ADAMTSL1: variants seen among roughly 807,000 people sequenced by gnomAD.
ADAMTSL1 encodes ADAMTS like 1.
A neutral mutation model predicts 201.8 loss-of-function variants in ADAMTSL1; 126 were observed. The ratio of observed to expected loss-of-function variants is 0.62; its 90% confidence interval spans 0.54 to 0.72. ADAMTSL1 has a LOEUF of 0.72. Among genes scored for constraint, ADAMTSL1 ranks in the 30% least tolerant of loss-of-function variants. ADAMTSL1 has a pLI of 0.00. For synonymous variants in ADAMTSL1, 1,121 were observed against 903.4 expected (o/e 1.24, Z -4.32); for missense variants, 2,679 against 2,277.8 (o/e 1.18, Z -3.59).
intron 3 of ADAMTSL1, among the ~76,000 whole-genome samples, chr9:18,537,450 A>G (rs1819842440): frequency 6.6e-6 from 1 of 152,206 alleles, no homozygotes; most frequent in Non-Finnish European, 1.5e-5. Context: ...AAGCCAATAT[A>G]CCTAAAGTCT....
intron 1 of ADAMTSL1, among the ~76,000 whole-genome samples, chr9:18,163,569 C>T: frequency 6.6e-6 from 1 of 152,054 alleles, no homozygotes; most frequent in Non-Finnish European, 1.5e-5. Flanking sequence ...GTCTAGGAGC[C>T]TGACCATATT....
intron 7 of ADAMTSL1, among the ~76,000 whole-genome samples, chr9:18,655,406 T>G (rs1466035788): frequency 6.6e-6 from 1 of 152,164 alleles, no homozygotes; most frequent in Non-Finnish European, 1.5e-5. Context: ...AAGAGCTTGG[T>G]TCAAATACTC....
In ADAMTSL1 at chr9:18,275,492, T is replaced by C. The variant is rs7032018; in HGVS notation, c.207+111511T>C. ...TCATCAGCACAAAAAGTTCTCTTATTCTACTTACCAGTCATTGCCCATCCC... is the reference window on the plus strand; with the variant it reads ...TCATCAGCACAAAAAGTTCTCTTATCCTACTTACCAGTCATTGCCCATCCC... On this transcript the variant is annotated intron_variant, in intron 2 of 29. Transcript: ENST00000680146. 5.9e-3 allele frequency among the ~76,000 whole-genome samples: 893 copies of C among 152,280 alleles called. 5 individuals are homozygous for C. Among genetic ancestry groups the C allele is most frequent in the African/African-American group, 0.019 (798 of 41,564 alleles).
chr9:18,014,101 A>T (rs890689472), intron 1 of ADAMTSL1, among the ~76,000 whole-genome samples: 4 of 151,996 alleles, frequency 2.6e-5, no homozygotes, highest in African/African-American at 9.7e-5. Context: ...TAAGAGGTTC[A>T]TTTTAAGTAT....
rs112021807 is a variant in ADAMTSL1, at chr9:17,920,050, G to C, written c.87+13128G>C. On this transcript the variant is annotated intron_variant, in intron 1 of 29. Coordinates refer to the ADAMTSL1 transcript ENST00000680146. ...GAAGTGATTCCTCATTGTGATTTTT[G>C]TTTGCATTTCTCTAATGACTAATGA... Among the ~76,000 whole-genome samples the C allele has an allele frequency of 4.8e-3, 728 of 152,088 alleles. 8 individuals are homozygous for C. Among genetic ancestry groups the C allele is most frequent in the African/African-American group, 0.017 (687 of 41,522 alleles).
chr9:18,480,756 C>A (rs1821684475), intron 1 of ADAMTSL1, among the ~76,000 whole-genome samples: 2 of 152,156 alleles, frequency 1.3e-5, no homozygotes, highest in South Asian at 4.1e-4. Context: ...GTGGTTTGAT[C>A]TTTGCGGTTT....
chr9:18,204,665 C>G (rs1179270931), intron 2 of ADAMTSL1, among the ~76,000 whole-genome samples: 1 of 152,094 alleles, frequency 6.6e-6, no homozygotes, highest in African/African-American at 2.4e-5. Context: ...CTTCAATCAT[C>G]TGAAGACTGG....
intron 15 of ADAMTSL1, chr9:18,722,953 A>G (rs935731985): frequency 8.0e-6 from 6 of 749,998 alleles, no homozygotes; most frequent in Admixed American, 3.7e-5. Flanking sequence ...CTAGTTGTTG[A>G]GCCTAAATGT....
intron 2 of ADAMTSL1, among the ~76,000 whole-genome samples, chr9:18,460,192 T>C (rs1820756466): frequency 6.6e-6 from 1 of 152,144 alleles, no homozygotes; most frequent in African/African-American, 2.4e-5. Flanking sequence ...CACACCCTAT[T>C]CTTGGCAAAA....
chr9:17,929,758 C>T (rs976362216), intron 1 of ADAMTSL1, among the ~76,000 whole-genome samples: 9 of 152,154 alleles, frequency 5.9e-5, no homozygotes, highest in African/African-American at 1.9e-4. Flanking sequence ...AGTCCTGACC[C>T]TGGACTTCCT....
intron 2 of ADAMTSL1, among the ~76,000 whole-genome samples, chr9:18,357,806 G>A (rs556477331): frequency 6.6e-6 from 1 of 152,180 alleles, no homozygotes; most frequent in East Asian, 1.9e-4. Context: ...TTACAATTAT[G>A]CAGCCTCCAT....
At chr9:18,735,898 A>T (rs1588014119) in intron 15 of ADAMTSL1, among the ~76,000 whole-genome samples, 1 of 34,778 alleles carries the variant, frequency 2.9e-5, no homozygotes, top group Admixed American at 3.4e-4. Flanking sequence ...CTCTCAAATT[A>T]AAAAAAAAAA....
At chr9:18,485,962 C>T (rs138237861) in intron 1 of ADAMTSL1, among the ~76,000 whole-genome samples, 76 of 152,328 alleles carry the variant, frequency 5.0e-4, no homozygotes, top group African/African-American at 1.8e-3. Flanking sequence ...GAAGCGTAAA[C>T]ATCCAGCTGT....
intron 2 of ADAMTSL1, among the ~76,000 whole-genome samples, chr9:18,406,636 A>AT (rs568356562): frequency 3.4e-4 from 52 of 152,138 alleles, no homozygotes; most frequent in African/African-American, 1.2e-3. Context: ...CAGCCAAGAC[A>AT]TTTTTTGTTA....
chr9:18,455,452 T>C (rs1442117194), intron 2 of ADAMTSL1, among the ~76,000 whole-genome samples: 12 of 152,178 alleles, frequency 7.9e-5, no homozygotes. Context: ...TGGCAAGTAT[T>C]TCTGTATATA....
chr9:18,769,955 ATGTAAACAATGTT>A (rs2133712039), intron 16 of ADAMTSL1, among the ~76,000 whole-genome samples: 1 of 152,312 alleles, frequency 6.6e-6, no homozygotes, highest in South Asian at 2.1e-4. Flanking sequence ...ATTCAGTTAC[ATGTAAACAATGTT>A]TTATTGGGGT....
chr9:18,148,778 C>G (rs1324311494), intron 1 of ADAMTSL1, among the ~76,000 whole-genome samples: 1 of 151,776 alleles, frequency 6.6e-6, no homozygotes, highest in Non-Finnish European at 1.5e-5. Context: ...CACATTTAAA[C>G]AAAAAGAGTT....
At chr9:18,312,742 C>G (rs1834204680) in intron 2 of ADAMTSL1, among the ~76,000 whole-genome samples, 1 of 152,184 alleles carries the variant, frequency 6.6e-6, no homozygotes, top group African/African-American at 2.4e-5. Context: ...GCCTCTCTGA[C>G]TGTCTTAAGG....
At chr9:18,879,017 G>A (rs1828356674) in intron 23 of ADAMTSL1, among the ~76,000 whole-genome samples, 1 of 152,120 alleles carries the variant, frequency 6.6e-6, no homozygotes, top group Non-Finnish European at 1.5e-5. Context: ...TGCACTGCCA[G>A]GTTGAAAAGC....
Sources: gnomAD v4.1 joint callset for allele counts (sites outside exome capture counted in the v4.1 genomes callset) on GRCh38, gnomAD v4.1.1 for gene constraint, MANE v1.5 for transcripts, NCBI Gene and HGNC (gene_info 2026-07-23, HGNC 2026-07-21) for gene names.